The following BCR variants were observed in gnomAD, a reference collection of about 807,000 sequenced individuals.
BCR encodes the protein breakpoint cluster region protein.
BCR carries 58 observed loss-of-function variants against 138.6 expected under a neutral mutation model. The ratio of observed to expected loss-of-function variants is 0.42; its 90% CI spans 0.34 to 0.52. The LOEUF (loss-of-function observed/expected upper bound fraction) is 0.52. Ranked by LOEUF, BCR falls within the 20% of genes least tolerant of loss-of-function variation. The pLI is 0.06. For synonymous variants in BCR, 786 were observed against 730.1 expected (o/e 1.08, Z -1.23); for missense variants, 1,599 against 1,727.2 (o/e 0.93, Z 1.32).
At chr22:23,190,102 G>T (rs745555683) in intron 1 of BCR, among the ~76,000 whole-genome samples, 44 of 152,310 alleles carry the variant, frequency 2.9e-4, no homozygotes, top group Admixed American at 7.8e-4. Context: ...TGGTCTTGCT[G>T]CCTCTGCACA....
intron 4 of BCR, chr22:23,263,838 A>G: frequency 1.8e-6 from 2 of 1,081,734 alleles, no homozygotes; most frequent in Non-Finnish European, 2.9e-6. Flanking sequence ...GTGTTTATAC[A>G]CCATCCAGAC....
chr22:23,243,902 A>G (rs1440084026), intron 1 of BCR, among the ~76,000 whole-genome samples: 1 of 152,008 alleles, frequency 6.6e-6, no homozygotes, highest in African/African-American at 2.4e-5. Flanking sequence ...CAGCCTCCCA[A>G]AGTTGCTGGG....
intron 8 of BCR, among the ~76,000 whole-genome samples, chr22:23,281,704 G>C (rs988515656): frequency 2.6e-5 from 4 of 152,200 alleles, no homozygotes; most frequent in Non-Finnish European, 5.9e-5. Context: ...GTCTGTGGCA[G>C]CATCAAAAGA....
At chr22:23,204,680 C>G (rs1462653414) in intron 1 of BCR, among the ~76,000 whole-genome samples, 1 of 152,190 alleles carries the variant, frequency 6.6e-6, no homozygotes, top group Non-Finnish European at 1.5e-5. Context: ...CCCTTACTGC[C>G]CACTGGCCAG....
chr22:23,229,021 C>T (rs1019267620), intron 1 of BCR, among the ~76,000 whole-genome samples: 3 of 152,112 alleles, frequency 2.0e-5, no homozygotes, highest in Non-Finnish European at 4.4e-5. Context: ...GATGTTGTTC[C>T]ATAGATGCTT....
In BCR at chr22:23,280,750, T is replaced by C. The variant is rs115058084; in HGVS notation, c.2116-3227T>C. On this transcript the variant is annotated intron_variant, in intron 8 of 22. Coordinates refer to ENST00000305877, the MANE Select transcript of BCR (RefSeq NM_004327.4). ...CCTGTGGGGATGATGATTTTAGTTA[T>C]TCAAGAAGACAGGTGGCGTTTCTTC... is the stretch of plus-strand genomic sequence containing the variant. 8.5e-3 allele frequency among the ~76,000 whole-genome samples: 1,301 copies of C among 152,316 alleles called. 19 individuals carry two copies. The highest frequency in any genetic ancestry group is 0.03 in the African/African-American group (1,235 of 41,576).
intron 8 of BCR, chr22:23,283,665 C>T: frequency 3.6e-6 from 1 of 275,302 alleles, no homozygotes; most frequent in Non-Finnish European, 6.8e-6. Context: ...GCTGTGTGCC[C>T]CTTCAGACCC....
intron 1 of BCR, among the ~76,000 whole-genome samples, chr22:23,225,328 C>T (rs2097217): frequency 2.0e-5 from 3 of 152,158 alleles, no homozygotes; most frequent in Non-Finnish European, 4.4e-5. Context: ...TCCTCTCTGT[C>T]CCCATCTGGG....
At chr22:23,185,730 G>T (rs113083739) in intron 1 of BCR, among the ~76,000 whole-genome samples, 23,339 of 148,030 alleles carry the variant, frequency 0.16, 3,075 homozygotes, top group East Asian at 0.56. Context: ...TGTTTTTTTT[G>T]TTGTTGTTGT....
At chr22:23,184,497 G>A (rs1273023516) in intron 1 of BCR, among the ~76,000 whole-genome samples, 1 of 151,944 alleles carries the variant, frequency 6.6e-6, no homozygotes, top group East Asian at 1.9e-4. Context: ...GAGCTATTAG[G>A]TTCACAGCAA....
chr22:23,204,812 G>A (rs2072593607), intron 1 of BCR, among the ~76,000 whole-genome samples: 1 of 152,168 alleles, frequency 6.6e-6, no homozygotes, highest in African/African-American at 2.4e-5. Context: ...GGATGGGGGA[G>A]ACGGCAGCAT....
chr22:23,219,271 G>A (rs1316830275), intron 1 of BCR, among the ~76,000 whole-genome samples: 1 of 152,186 alleles, frequency 6.6e-6, no homozygotes, highest in Non-Finnish European at 1.5e-5. Flanking sequence ...AAAGCTGAGC[G>A]TGCCCACCAA....
chr22:23,265,005 A>T (rs2073422152), intron 4 of BCR: 1 of 152,178 alleles, frequency 6.6e-6, no homozygotes, highest in African/African-American at 2.4e-5. Context: ...AAGAAAAAAA[A>T]CCTAGTGGAC....
intron 11 of BCR, 53 bp from the exon 12 acceptor site, chr22:23,288,044 A>C: frequency 6.4e-7 from 1 of 1,570,750 alleles, no homozygotes; most frequent in Non-Finnish European, 8.8e-7. Context: ...CCTACCAGGC[A>C]TTTGCGTAGC....
chr22:23,281,886 G>T (rs1032814346), intron 8 of BCR, among the ~76,000 whole-genome samples: 1 of 152,260 alleles, frequency 6.6e-6, no homozygotes, highest in East Asian at 1.9e-4. Context: ...GCTGAAGGCC[G>T]AGGGTGCCCC....
intron 1 of BCR, among the ~76,000 whole-genome samples, chr22:23,224,099 A>T (rs1413294523): frequency 6.6e-6 from 1 of 152,214 alleles, no homozygotes; most frequent in Non-Finnish European, 1.5e-5. Context: ...CTGACTCCAC[A>T]ACAGGAAGAC....
At chr22:23,250,599 C>A (rs1337065712) in intron 1 of BCR, among the ~76,000 whole-genome samples, 1 of 152,146 alleles carries the variant, frequency 6.6e-6, no homozygotes, top group African/African-American at 2.4e-5. Context: ...AAAGCCAAGT[C>A]TGGAGGGTCA....
rs774413004 is a variant in BCR at position 23,181,180 on chromosome 22, C to T, written c.220C>T (p.Arg74Ter). Residue 74 changes from arginine (R) to a stop codon, truncating the protein, a stop_gained, in exon 1 of 23, where the codon CGA becomes TGA. Coordinates refer to ENST00000305877, the MANE Select transcript of BCR (RefSeq NM_004327.4). LOFTEE classifies it high-confidence loss of function. The stretch of plus-strand genomic sequence containing the variant: ...GGAAAAGAAGAGCTATGACCGGCAG[C>T]GATGGGGCTTCCGGCGCGCGGCGCA... ...AKEKKSYDRQ[R>*]WGFRRAAQAP... 4 of 1,356,358 alleles carry T rather than the reference C, an allele frequency of 2.9e-6. No homozygotes were observed. The highest frequency in any genetic ancestry group is 3.9e-6 in the Non-Finnish European group (4 of 1,032,702). 84.0% of individuals were successfully genotyped at this position (1,356,358 alleles called of 1,614,324 possible). A position where few individuals can be genotyped will look rare whatever the true frequency, so the allele number is the denominator to read the frequency against.
In BCR at chr22:23,308,911, T is replaced by C. The variant is rs865972002; in HGVS notation, c.3013-513T>C. ...CCTCATCAGCTGCTTGATTTAGGGC[T>C]TGTTTCTGGGTCCTTCTGGGCCTGA... On this transcript the variant is annotated intron_variant, in intron 16 of 22. Transcript: ENST00000305877. Among the ~76,000 whole-genome samples the C allele has an allele frequency of 1.7e-4, 26 of 152,142 alleles. 1 individual carries two copies. The highest frequency in any genetic ancestry group is 1.6e-4 in the Non-Finnish European group (11 of 68,018).
Sources: allele counts gnomAD v4.1 joint callset (sites outside exome capture counted in the v4.1 genomes callset), GRCh38; gene constraint gnomAD v4.1.1; transcripts MANE v1.5; gene names NCBI Gene and HGNC (gene_info 2026-07-23, HGNC 2026-07-21).